The following SCML2 variants were observed in gnomAD, a reference collection of about 807,000 sequenced individuals.
SCML2 encodes the protein Scm polycomb group protein like 2, also known as sex comb on midleg-like protein 2.
Under a neutral mutation model 48.4 loss-of-function variants are expected in SCML2, and 6 were observed. The observed-to-expected ratio is 0.12, with a 90% CI of 0.07 to 0.24. The LOEUF (loss-of-function observed/expected upper bound fraction) is 0.24, where lower values mean the gene tolerates loss of function less well. Among genes scored for constraint, SCML2 ranks in the 10% least tolerant of loss-of-function variants. The pLI, the probability that SCML2 is intolerant of heterozygous loss-of-function variation, is 1.00. For synonymous variants in SCML2, 181 were observed against 189.5 expected (o/e 0.95, Z 0.37); for missense variants, 377 against 528.2 (o/e 0.71, Z 2.81).
chrX:18,281,731 T>A (rs1470718207), intron 7 of SCML2, among the ~76,000 whole-genome samples: 74 of 62,463 alleles, frequency 1.2e-3, no homozygotes, highest in Admixed American at 1.7e-3. Flanking sequence ...AAAAAAAAAA[T>A]CCAACTTGGC....
At chrX:18,348,555 A>C (rs1930274554) in intron 1 of SCML2, among the ~76,000 whole-genome samples, 1 of 111,986 alleles carries the variant, frequency 8.9e-6, no homozygotes, top group African/African-American at 3.2e-5. Flanking sequence ...AGAGTCTCTA[A>C]AGTAATCTAA....
intron 1 of SCML2, among the ~76,000 whole-genome samples, chrX:18,342,261 T>C (rs532606974): frequency 6.3e-5 from 7 of 111,535 alleles, no homozygotes; most frequent in African/African-American, 2.3e-4. Flanking sequence ...TTTTTGTTTT[T>C]GGCAACATAA....
intron 11 of SCML2, among the ~76,000 whole-genome samples, chrX:18,252,082 T>C (rs1283511356): frequency 8.9e-6 from 1 of 111,924 alleles, no homozygotes. Flanking sequence ...GAGACCAGCC[T>C]GGATGACATA....
In SCML2 at chrX:18,242,529, A is replaced by T. The variant is rs747599703; in HGVS notation, c.1884T>A (p.Pro628=). Residue 628 remains proline, a synonymous_variant, in exon 14 of 15, where the codon CCT becomes CCA. Coordinates refer to ENST00000251900, the MANE Select transcript of SCML2 (RefSeq NM_006089.3). ...SVLKQGFSKD[P]STWSVDEVIQ... is the part of the protein sequence containing the mutation. ...TCACTTCATCCACAGACCAGGTTGA[A>T]GGGTCCTTAGAGAAGCCTTGTTTCA... The T allele has an allele frequency of 8.3e-7, 1 of 1,209,006 alleles. No individual in the cohort carries two copies. The highest frequency in any genetic ancestry group is 1.1e-6 in the Non-Finnish European group (1 of 894,346).
intron 7 of SCML2, among the ~76,000 whole-genome samples, chrX:18,284,810 G>A (rs1927987930): frequency 8.9e-6 from 1 of 112,352 alleles, no homozygotes; most frequent in African/African-American, 3.2e-5. Flanking sequence ...GGAGGCTGAG[G>A]CGGGTGGATC....
chrX:18,311,773 T>G lies in SCML2; in HGVS notation c.487-6558A>C, dbSNP rs1025404666. 5.6e-5 allele frequency among the ~76,000 whole-genome samples: 6 copies of G among 107,300 alleles called. No individual in the cohort carries two copies. The Admixed American group carries it at 5.9e-4, about 11-fold the overall frequency. 93.2% of individuals were successfully genotyped at this position (107,300 alleles called of 115,157 possible). A position where few individuals can be genotyped will look rare whatever the true frequency, so the allele number is the denominator to read the frequency against. On this transcript the variant is annotated intron_variant, in intron 6 of 14. Coordinates refer to ENST00000251900, the MANE Select transcript of SCML2 (RefSeq NM_006089.3). Reference sequence around the variant, plus strand: ...AACAGAGGAGTGATATAATTTGACTTATGTGGGTTTTTTGTTTGTTTTGTT... The same window carrying G: ...AACAGAGGAGTGATATAATTTGACTGATGTGGGTTTTTTGTTTGTTTTGTT...
chrX:18,316,410 G>A (rs1929123449), intron 6 of SCML2, among the ~76,000 whole-genome samples: 1 of 110,967 alleles, frequency 9.0e-6, no homozygotes, highest in East Asian at 2.8e-4. Flanking sequence ...AGAAAAATAG[G>A]CAAAGGCTAT....
chrX:18,309,275 A>G (rs1198661676), intron 6 of SCML2, among the ~76,000 whole-genome samples: 1 of 110,819 alleles, frequency 9.0e-6, no homozygotes, highest in Non-Finnish European at 1.9e-5. Context: ...AAAAGTCAAA[A>G]AACAGCAGAT....
chrX:18,340,714 G>A (rs1311967796), intron 1 of SCML2, among the ~76,000 whole-genome samples: 2 of 107,859 alleles, frequency 1.9e-5, no homozygotes, highest in African/African-American at 3.4e-5. Flanking sequence ...GGAGGCTGAG[G>A]CAGGAGAATT....
At chrX:18,271,189 C>T (rs1927446687) in intron 7 of SCML2, among the ~76,000 whole-genome samples, 1 of 111,275 alleles carries the variant, frequency 9.0e-6, no homozygotes, top group Non-Finnish European at 1.9e-5. Flanking sequence ...ATGCTAGGCA[C>T]TTCAATATCC....
At chrX:18,282,055 A>G (rs1357613123) in intron 7 of SCML2, among the ~76,000 whole-genome samples, 1 of 109,231 alleles carries the variant, frequency 9.2e-6, no homozygotes, top group Non-Finnish European at 1.9e-5. Flanking sequence ...CCCAGGAGGC[A>G]GAGGTTGCAG....
chrX:18,258,474 AT>A (rs1250569040), intron 9 of SCML2, among the ~76,000 whole-genome samples: 10 of 111,965 alleles, frequency 8.9e-5, no homozygotes, highest in Admixed American at 4.8e-4. Context: ...TGTTTATTCA[AT>A]TTTTTAGAAT....
chrX:18,305,090 G>A lies in SCML2; in HGVS notation c.612C>T (p.Ile204=), dbSNP rs1928715146. Residue 204 remains isoleucine, a synonymous_variant, in exon 7 of 15, where the codon ATC becomes ATT. Transcript: ENST00000251900. ...IGDVKGDEVH[I]TFDGWSGAFD... ...AAGCTCCACTCCAGCCATCAAATGT[G>A]ATATGAACTTCATCCCCTTTAACAT... The A allele has an allele frequency of 4.1e-5, 50 of 1,209,442 alleles. No homozygotes were observed. The highest frequency in any genetic ancestry group is 5.6e-5 in the Non-Finnish European group (50 of 895,079).
chrX:18,347,722 T>C lies in SCML2; in HGVS notation c.-25+6870A>G, dbSNP rs1323128931. 6.8e-3 allele frequency among the ~76,000 whole-genome samples: 139 copies of C among 20,530 alleles called. 1 individual carries two copies. Among genetic ancestry groups the C allele is most frequent in the African/African-American group, 0.027 (131 of 4,766 alleles). 17.8% of individuals were successfully genotyped at this position (20,530 alleles called of 115,157 possible). Reference sequence around the variant, plus strand: ...CTGGGTGACAGAGCAAGACTCCGTCTCAAAAAAAAAAAAAAAAAAAAAAAA... The same window carrying C: ...CTGGGTGACAGAGCAAGACTCCGTCCCAAAAAAAAAAAAAAAAAAAAAAAA... On this transcript the variant is annotated intron_variant, in intron 1 of 14. Transcript: ENST00000251900.
At chrX:18,299,320 T>C (rs1447339610) in intron 7 of SCML2, among the ~76,000 whole-genome samples, 1 of 110,077 alleles carries the variant, frequency 9.1e-6, no homozygotes, top group Non-Finnish European at 1.9e-5. Flanking sequence ...GAGACCATAC[T>C]GGCTAATACG....
chrX:18,272,763 G>T (rs953885740), intron 7 of SCML2, among the ~76,000 whole-genome samples: 1 of 111,138 alleles, frequency 9.0e-6, no homozygotes, highest in Non-Finnish European at 1.9e-5. Context: ...TCTATCAATG[G>T]ATTAGAGACT....
rs1275414828 is a variant in SCML2, at chrX:18,240,467, G to C, written c.*784C>G. The C allele has an allele frequency of 1.8e-5, 2 of 111,849 alleles. No individual in the cohort carries two copies. Among genetic ancestry groups the C allele is most frequent in the African/African-American group, 6.5e-5 (2 of 30,791 alleles). 9.2% of individuals were successfully genotyped at this position (111,849 alleles called of 1,213,427 possible). ...TCCAAGCGTAGTGAAAATATGGAAA[G>C]TTTTAAAATAATAGGAATTTCACTG... On this transcript the variant is annotated 3_prime_UTR_variant, in exon 15 of 15. Transcript: ENST00000251900.
At chrX:18,288,674 T>TA (rs1371878074) in intron 7 of SCML2, among the ~76,000 whole-genome samples, 1 of 111,921 alleles carries the variant, frequency 8.9e-6, no homozygotes, top group Non-Finnish European at 1.9e-5. Flanking sequence ...AATTACAATA[T>TA]AAAAAAACTT....
At chrX:18,267,279 C>G (rs1303339015) in intron 7 of SCML2, among the ~76,000 whole-genome samples, 1 of 111,984 alleles carries the variant, frequency 8.9e-6, no homozygotes, top group African/African-American at 3.2e-5. Context: ...CATCTATCCA[C>G]AAGCCCATAT....
Sources: allele counts gnomAD v4.1 joint callset (sites outside exome capture counted in the v4.1 genomes callset), GRCh38; gene constraint gnomAD v4.1.1; transcripts MANE v1.5; gene names NCBI Gene and HGNC (gene_info 2026-07-23, HGNC 2026-07-21).